The following NBAS variants were observed in gnomAD, a reference collection of about 807,000 sequenced individuals.
NBAS encodes NAG/BC035112 fusion.
NBAS carries 219 observed loss-of-function variants against 302.5 expected under a neutral mutation model. That is an observed-to-expected ratio of 0.72 (90% CI 0.65 to 0.81). The LOEUF (loss-of-function observed/expected upper bound fraction) is 0.81, where lower values mean the gene tolerates loss of function less well. Among genes scored for constraint, NBAS ranks in the 30% least tolerant of loss-of-function variants. The pLI is 0.00. For synonymous variants in NBAS, 1,118 were observed against 1,021.6 expected (o/e 1.09, Z -1.80); for missense variants, 2,932 against 2,841.6 (o/e 1.03, Z -0.72).
the NBAS span, among the ~76,000 whole-genome samples, chr2:15,146,480 A>G: frequency 6.6e-6 from 1 of 152,120 alleles, no homozygotes; most frequent in Non-Finnish European, 1.5e-5. Context: ...ATGAAAGTCC[A>G]ACACCCCCAG....
chr2:15,099,201 G>C, the NBAS span, among the ~76,000 whole-genome samples: 2 of 151,964 alleles, frequency 1.3e-5, no homozygotes, highest in East Asian at 1.9e-4. Context: ...TACTCAGAAG[G>C]CTGAGGCAGG....
intron 41 of NBAS, among the ~76,000 whole-genome samples, chr2:15,288,077 C>T (rs1394749693): frequency 6.6e-6 from 1 of 152,230 alleles, no homozygotes; most frequent in Non-Finnish European, 1.5e-5. Flanking sequence ...GTCAACAGTG[C>T]TGCGGTTGAA....
intron 21 of NBAS, among the ~76,000 whole-genome samples, chr2:15,437,206 G>T (rs1307996442): frequency 6.6e-6 from 1 of 152,110 alleles, no homozygotes; most frequent in African/African-American, 2.4e-5. Context: ...GAATTTAGCT[G>T]GGCATGATGG....
the NBAS span, among the ~76,000 whole-genome samples, chr2:14,956,270 T>A: frequency 5.1e-4 from 78 of 152,336 alleles, 1 homozygote; most frequent in South Asian, 0.011. Context: ...GCCAAAGCCA[T>A]TCAACGAGTC....
At chr2:15,533,361 A>G (rs982728213) in intron 9 of NBAS, among the ~76,000 whole-genome samples, 3 of 152,218 alleles carry the variant, frequency 2.0e-5, no homozygotes, top group Non-Finnish European at 4.4e-5. Flanking sequence ...AAATTTAGAA[A>G]CAAACCAAAT....
chr2:14,868,066 G>C, the NBAS span, among the ~76,000 whole-genome samples: 5 of 152,116 alleles, frequency 3.3e-5, no homozygotes, highest in Admixed American at 2.6e-4. Flanking sequence ...GCCAGACATT[G>C]TTGTGTATTT....
chr2:14,944,814 G>C, the NBAS span, among the ~76,000 whole-genome samples: 21,778 of 151,582 alleles, frequency 0.14, 2,029 homozygotes, highest in African/African-American at 0.27. Flanking sequence ...ATTCTGCCCA[G>C]CACCAAGTGA....
chr2:15,440,996 T>C (rs1231844258), intron 21 of NBAS, among the ~76,000 whole-genome samples: 1 of 152,074 alleles, frequency 6.6e-6, no homozygotes, highest in African/African-American at 2.4e-5. Flanking sequence ...CCAAGAAATA[T>C]GGGACTATGT....
intron 45 of NBAS, among the ~76,000 whole-genome samples, chr2:15,235,911 G>A (rs535390862): frequency 9.7e-4 from 148 of 152,302 alleles, no homozygotes; most frequent in African/African-American, 3.4e-3. Context: ...AGAGGGAACT[G>A]AGGCTCTGTA....
At chr2:14,872,801 T>C in the NBAS span, among the ~76,000 whole-genome samples, 27 of 152,106 alleles carry the variant, frequency 1.8e-4, 1 homozygote, top group South Asian at 5.4e-3. Context: ...TTGGCAGTCT[T>C]GCTGACTTCA....
chr2:15,141,137 C>T, the NBAS span, among the ~76,000 whole-genome samples: 1 of 152,124 alleles, frequency 6.6e-6, no homozygotes, highest in Non-Finnish European at 1.5e-5. Flanking sequence ...CTGTCTCTCT[C>T]TCGCTCCCAT....
At chr2:15,455,702 T>C (rs1307014860) in intron 21 of NBAS, among the ~76,000 whole-genome samples, 2 of 151,252 alleles carry the variant, frequency 1.3e-5, no homozygotes, top group Admixed American at 6.6e-5. Flanking sequence ...ATATCCACTT[T>C]ACAAGTGAGA....
intron 36 of NBAS, 126 bp from the exon 37 acceptor site, chr2:15,328,438 A>T: frequency 1.3e-6 from 1 of 785,160 alleles, no homozygotes; most frequent in Non-Finnish European, 2.2e-6. Context: ...AGAAACTGGT[A>T]ATGCCTGCTG....
intron 21 of NBAS, among the ~76,000 whole-genome samples, chr2:15,448,476 C>G (rs1216696504): frequency 1.3e-5 from 2 of 152,144 alleles, no homozygotes; most frequent in African/African-American, 2.4e-5. Context: ...AAAAATAACA[C>G]AGCTAGCATG....
intron 12 of NBAS, among the ~76,000 whole-genome samples, chr2:15,484,646 C>T (rs1680552671): frequency 6.6e-6 from 1 of 152,150 alleles, no homozygotes; most frequent in Non-Finnish European, 1.5e-5. Flanking sequence ...TTCCAATAAT[C>T]CTTCTCCCCA....
Position 15,270,777 on chromosome 2 carries a change from A to G in NBAS, c.5724+4707T>C, listed in dbSNP as rs978695457. Reference sequence around the variant, plus strand: ...TATAATTTTTAAAAACCTTCATTTCATGTTTCTTATAAACATGTCTTTCAT... The same window carrying G: ...TATAATTTTTAAAAACCTTCATTTCGTGTTTCTTATAAACATGTCTTTCAT... On this transcript the variant is annotated intron_variant, in intron 44 of 51. Coordinates refer to ENST00000281513, the MANE Select transcript of NBAS (RefSeq NM_015909.4). Among the ~76,000 whole-genome samples, 3 of 152,182 alleles carry G rather than the reference A, an allele frequency of 2.0e-5. No individual in the cohort carries two copies. The East Asian group carries it at 5.8e-4, about 29-fold the overall frequency.
chr2:14,894,786 C>T, the NBAS span, among the ~76,000 whole-genome samples: 1 of 152,086 alleles, frequency 6.6e-6, no homozygotes, highest in Non-Finnish European at 1.5e-5. Context: ...AGGCCGGGCA[C>T]GGTGGCTCAT....
Position 15,298,181 on chromosome 2 carries a change from C to T in NBAS, c.4798-5415G>A, listed in dbSNP as rs534281518. ...GTGACATAGTGAGACCCCATCTCTACGAGAAATAAGTAAGAAGGTGGTGGT... is the reference window on the plus strand; with the variant it reads ...GTGACATAGTGAGACCCCATCTCTATGAGAAATAAGTAAGAAGGTGGTGGT... On this transcript the variant is annotated intron_variant, in intron 40 of 51. Coordinates refer to ENST00000281513, the MANE Select transcript of NBAS (RefSeq NM_015909.4). Among the ~76,000 whole-genome samples, 63 of 151,992 alleles carry T rather than the reference C, an allele frequency of 4.1e-4. No homozygotes were observed. The South Asian group carries it at 0.01, about 25-fold the overall frequency.
intron 35 of NBAS, among the ~76,000 whole-genome samples, chr2:15,337,050 G>A (rs941966452): frequency 2.6e-5 from 4 of 152,178 alleles, no homozygotes; most frequent in African/African-American, 9.7e-5. Flanking sequence ...GAGGCAGGAG[G>A]ATCACTTCAG....
Sources: gnomAD v4.1 joint callset for allele counts (sites outside exome capture counted in the v4.1 genomes callset) on GRCh38, gnomAD v4.1.1 for gene constraint, MANE v1.5 for transcripts, NCBI Gene and HGNC (gene_info 2026-07-23, HGNC 2026-07-21) for gene names.